The following PDE6A variants were observed in gnomAD, a reference collection of about 807,000 sequenced individuals.
The protein encoded by PDE6A is phosphodiesterase 6A.
PDE6A carries 84 observed loss-of-function variants against 106.3 expected under a neutral mutation model. That is an observed-to-expected ratio of 0.79 (90% CI 0.66 to 0.95). The LOEUF is 0.95. PDE6A is among the 40% of genes least tolerant of loss of function. The probability of loss-of-function intolerance (pLI) is 0.00; values close to 1 mark genes in which losing one functional copy is unlikely to be tolerated. For synonymous variants in PDE6A, 394 were observed against 386.6 expected (o/e 1.02, Z -0.23); for missense variants, 1,052 against 1,084.9 (o/e 0.97, Z 0.43).
chr5:149,930,438 T>C (rs989748196), intron 4 of PDE6A, among the ~76,000 whole-genome samples: 1 of 152,216 alleles, frequency 6.6e-6, no homozygotes, highest in East Asian at 1.9e-4. Context: ...AGAAAATGAT[T>C]AGCCTCATAA....
intron 5 of PDE6A, among the ~76,000 whole-genome samples, chr5:149,918,825 G>A (rs1263775035): frequency 6.6e-6 from 1 of 151,548 alleles, no homozygotes; most frequent in Non-Finnish European, 1.5e-5. Flanking sequence ...GTCTCACTTT[G>A]TTGCTTAGGC....
At chr5:149,930,940 T>C (rs767077059) in intron 4 of PDE6A, 88 bp downstream of exon 4, 35 of 1,315,834 alleles carry the variant, frequency 2.7e-5, no homozygotes, top group Non-Finnish European at 3.5e-5. Flanking sequence ...TCTTCCCCCG[T>C]GCAATTGAAT....
At chr5:149,914,549 G>C (rs868690360) in intron 6 of PDE6A, among the ~76,000 whole-genome samples, 1 of 151,408 alleles carries the variant, frequency 6.6e-6, no homozygotes, top group Non-Finnish European at 1.5e-5. Context: ...GTTGTTTTCT[G>C]ATCCTCTTAG....
At chr5:149,922,095 G>C (rs1052551587) in intron 4 of PDE6A, among the ~76,000 whole-genome samples, 1 of 152,042 alleles carries the variant, frequency 6.6e-6, no homozygotes, top group Non-Finnish European at 1.5e-5. Flanking sequence ...TGAAAAATTA[G>C]AGACAATATA....
chr5:149,879,306 A>G (rs1760845681), intron 17 of PDE6A, among the ~76,000 whole-genome samples: 2 of 152,082 alleles, frequency 1.3e-5, no homozygotes, highest in East Asian at 3.9e-4. Context: ...TTCAGACCTC[A>G]GGTGATCCGC....
intron 5 of PDE6A, among the ~76,000 whole-genome samples, chr5:149,919,380 C>T (rs1753640879): frequency 6.6e-6 from 1 of 152,100 alleles, no homozygotes; most frequent in Non-Finnish European, 1.5e-5. Flanking sequence ...AATGGTGGGG[C>T]ACCTGTAATC....
chr5:149,895,790 A>G (rs1752724577), intron 12 of PDE6A, among the ~76,000 whole-genome samples: 1 of 151,830 alleles, frequency 6.6e-6, no homozygotes, highest in South Asian at 2.1e-4. Context: ...AGAGAGAGAG[A>G]AAGAGGAGAG....
chr5:149,891,710 G>T (rs1197357593), intron 13 of PDE6A, among the ~76,000 whole-genome samples: 1 of 152,064 alleles, frequency 6.6e-6, no homozygotes, highest in African/African-American at 2.4e-5. Flanking sequence ...GGCTGAGATG[G>T]GAAGATTGCT....
At chr5:149,908,559 A>C (rs1753274281) in intron 6 of PDE6A, among the ~76,000 whole-genome samples, 1 of 152,224 alleles carries the variant, frequency 6.6e-6, no homozygotes. Context: ...TCTCTACAAA[A>C]TTAATAAAAT....
intron 7 of PDE6A, among the ~76,000 whole-genome samples, chr5:149,904,120 G>A (rs1753091880): frequency 6.6e-6 from 1 of 152,108 alleles, no homozygotes. Flanking sequence ...GGTGGCGTGC[G>A]CCTGTAATCC....
In PDE6A at chr5:149,870,953, G is replaced by T. The variant is rs1301834129; in HGVS notation, c.2136-2795C>A. Among the ~76,000 whole-genome samples the T allele has an allele frequency of 3.3e-5, 5 of 151,556 alleles. No individual in the cohort carries two copies. The East Asian group carries it at 9.7e-4, about 29-fold the overall frequency. ...GAAAGGAAGAGAAGAGAAGAGAAAA[G>T]AAAAGAAAAGAAAAAAAGAACCCAA... On this transcript the variant is annotated intron_variant, in intron 17 of 21. Transcript: ENST00000255266.
intron 21 of PDE6A, 109 bp from the exon 22 acceptor site, chr5:149,861,080 C>T (rs1760124090): frequency 2.4e-6 from 2 of 840,070 alleles, no homozygotes; most frequent in Non-Finnish European, 4.0e-6. Flanking sequence ...TTTCAGTGGC[C>T]AACAGATAAC....
intron 4 of PDE6A, among the ~76,000 whole-genome samples, chr5:149,928,320 C>T (rs1753930472): frequency 6.9e-6 from 1 of 145,792 alleles, no homozygotes; most frequent in Non-Finnish European, 1.5e-5. Context: ...TCACTGCAAC[C>T]TCCACCTCCC....
chr5:149,920,932 G>A (rs1581201034), intron 5 of PDE6A, among the ~76,000 whole-genome samples: 1 of 90,600 alleles, frequency 1.1e-5, no homozygotes, highest in Non-Finnish European at 2.3e-5. Flanking sequence ...AAGAAAGAGA[G>A]AAAGAGAGAA....
At chr5:149,896,244 A>AAAT (rs1381959065) in intron 12 of PDE6A, 112 bp downstream of exon 12, 1 of 873,004 alleles carries the variant, frequency 1.1e-6, no homozygotes, top group Non-Finnish European at 1.8e-6. Flanking sequence ...TTTAAATCCT[A>AAAT]AATACTGAGA....
chr5:149,919,245 G>T (rs4705098), intron 5 of PDE6A, among the ~76,000 whole-genome samples: 35,333 of 151,956 alleles, frequency 0.23, 4,936 homozygotes, highest in African/African-American at 0.38. Context: ...GGTGGCTCGC[G>T]CCTGTAATCC....
At chr5:149,931,258 T>C (rs1754026640) in intron 3 of PDE6A, 90 bp from the exon 4 acceptor site, 2 of 1,254,020 alleles carry the variant, frequency 1.6e-6, no homozygotes, top group Admixed American at 3.5e-5. Context: ...TGTAAAGTTG[T>C]CTGGAGTTTA....
At position 149,866,206 on chromosome 5, in the gene PDE6A, G is replaced by T. The variant is rs766767235; in HGVS notation, c.2322C>A (p.Val774=). The T allele has an allele frequency of 1.9e-6, 3 of 1,614,138 alleles. No homozygotes were observed. In the South Asian group the frequency reaches 3.3e-5, roughly 18 times the overall value. ...NKADELPKLQ[V]GFIDFVCTFV... ...AGGTGCAAACAAAGTCAATGAAGCC[G>T]ACTTGAAGCTTAGGGAGTTCATCTG... Residue 774 remains valine (V), a synonymous_variant, in exon 20 of 22, where the codon GTC becomes GTA. Coordinates refer to ENST00000255266, the MANE Select transcript of PDE6A (RefSeq NM_000440.3).
chr5:149,924,557 T>A (rs1055569780), intron 4 of PDE6A, among the ~76,000 whole-genome samples: 1 of 152,154 alleles, frequency 6.6e-6, no homozygotes, highest in South Asian at 2.1e-4. Context: ...CTCAAATGAA[T>A]GAGATAAATC....
Sources: allele counts gnomAD v4.1 joint callset (sites outside exome capture counted in the v4.1 genomes callset), GRCh38; gene constraint gnomAD v4.1.1; transcripts MANE v1.5; gene names NCBI Gene and HGNC (gene_info 2026-07-23, HGNC 2026-07-21).